The following MTHFD1L variants were observed in gnomAD, a reference collection of about 807,000 sequenced individuals.
MTHFD1L encodes the protein methylenetetrahydrofolate dehydrogenase (NADP+ dependent) 1 like, also known as monofunctional C1-tetrahydrofolate synthase, mitochondrial.
A neutral mutation model predicts 119.5 loss-of-function variants in MTHFD1L; 81 were observed. The observed-to-expected ratio is 0.68, with a 90% confidence interval of 0.57 to 0.82. The LOEUF (loss-of-function observed/expected upper bound fraction) is 0.82, where lower values mean the gene tolerates loss of function less well. Among genes scored for constraint, MTHFD1L ranks in the 40% least tolerant of loss-of-function variants. The pLI, the probability that MTHFD1L is intolerant of heterozygous loss-of-function variation, is 0.00. For missense variants in MTHFD1L, 1,125 were observed against 1,253.4 expected, an observed-to-expected ratio of 0.90 and a Z score of 1.55; for synonymous variants, 430 against 475.2, an observed-to-expected ratio of 0.90 and a Z score of 1.24.
chr6:150,905,864 G>A (rs777838361), intron 8 of MTHFD1L, 103 bp downstream of exon 8: 76 of 902,586 alleles, frequency 8.4e-5, no homozygotes, highest in Non-Finnish European at 1.2e-4. Context: ...GTTAGCAGTC[G>A]TCAACATTAA....
chr6:150,928,092 A>T (rs1274197009), intron 11 of MTHFD1L, among the ~76,000 whole-genome samples: 1 of 152,060 alleles, frequency 6.6e-6, no homozygotes, highest in Non-Finnish European at 1.5e-5. Flanking sequence ...CTTAGGAAAA[A>T]TCCCCGGAAG....
intron 26 of MTHFD1L, among the ~76,000 whole-genome samples, chr6:151,065,601 T>C (rs548477704): frequency 6.6e-6 from 1 of 152,364 alleles, no homozygotes; most frequent in Non-Finnish European, 1.5e-5. Context: ...CAGTGTGATC[T>C]GCTTCATACT....
intron 17 of MTHFD1L, among the ~76,000 whole-genome samples, chr6:150,958,424 C>T (rs1434224517): frequency 6.6e-6 from 1 of 152,080 alleles, no homozygotes; most frequent in Non-Finnish European, 1.5e-5. Context: ...TTGATACTAT[C>T]CTTAGGATAT....
chr6:150,993,308 A>G (rs1033654067), intron 20 of MTHFD1L, among the ~76,000 whole-genome samples: 1 of 151,954 alleles, frequency 6.6e-6, no homozygotes, highest in Non-Finnish European at 1.5e-5. Context: ...TAATTTAGAG[A>G]CAGAATTTAG....
At chr6:150,867,467 A>C (rs1429463209) in intron 1 of MTHFD1L, among the ~76,000 whole-genome samples, 1 of 152,116 alleles carries the variant, frequency 6.6e-6, no homozygotes, top group South Asian at 2.1e-4. Context: ...GATTAATTAC[A>C]CGTCAGGTCA....
intron 20 of MTHFD1L, among the ~76,000 whole-genome samples, chr6:150,976,043 C>CA (rs1776513073): frequency 6.6e-6 from 1 of 152,162 alleles, no homozygotes; most frequent in East Asian, 1.9e-4. Flanking sequence ...ACTAAAAATA[C>CA]AAAAAAATTT....
At chr6:150,889,241 T>C (rs1050649495) in intron 7 of MTHFD1L, among the ~76,000 whole-genome samples, 1 of 151,644 alleles carries the variant, frequency 6.6e-6, no homozygotes, top group Non-Finnish European at 1.5e-5. Context: ...TGTATATGAG[T>C]CTAGCATAGG....
chr6:151,062,219 G>A (rs897651729), intron 26 of MTHFD1L, among the ~76,000 whole-genome samples: 6 of 152,158 alleles, frequency 3.9e-5, no homozygotes, highest in Non-Finnish European at 7.3e-5. Flanking sequence ...AGCGGATCAC[G>A]AGGTCAGGAG....
Position 150,994,092 on chromosome 6 carries a change from A to AG in MTHFD1L, c.2126-15726dup, listed in dbSNP as rs1562508880. Among the ~76,000 whole-genome samples, 654 of 147,604 alleles carry AG rather than the reference A, an allele frequency of 4.4e-3. 28 individuals carry two copies. Among genetic ancestry groups the AG allele is most frequent in the African/African-American group, 0.017 (633 of 37,780 alleles). ...AAAAAAAAAAAAAAGAAAGAAAGAA[A>AG]GAAAGTGACCCAGCACTATAATACA... On this transcript the variant is annotated intron_variant, in intron 20 of 27. Coordinates refer to ENST00000367321, the MANE Select transcript of MTHFD1L (RefSeq NM_015440.5).
chr6:151,040,576 C>T (rs1417562610), intron 26 of MTHFD1L, among the ~76,000 whole-genome samples: 3 of 151,936 alleles, frequency 2.0e-5, no homozygotes, highest in Non-Finnish European at 4.4e-5. Context: ...AGTCATGGCA[C>T]GCACCTGGAG....
chr6:150,936,668 T>C, intron 11 of MTHFD1L, 136 bp from the exon 12 acceptor site: 2 of 1,081,006 alleles, frequency 1.9e-6, no homozygotes, highest in Non-Finnish European at 1.4e-6. Context: ...GAGTAGACCA[T>C]AATAGCCCGA....
chr6:151,020,949 C>G (rs1478218085), intron 24 of MTHFD1L, among the ~76,000 whole-genome samples: 2 of 152,214 alleles, frequency 1.3e-5, no homozygotes, highest in Non-Finnish European at 2.9e-5. Context: ...CACATCCCAT[C>G]TGCTATGTGG....
chr6:151,004,963 T>C (rs930346359), intron 20 of MTHFD1L, among the ~76,000 whole-genome samples: 13 of 152,234 alleles, frequency 8.5e-5, no homozygotes, highest in African/African-American at 3.1e-4. Flanking sequence ...AGCTAAATCC[T>C]ACTATGTGGA....
At chr6:150,923,386 A>C (rs541810037) in intron 10 of MTHFD1L, among the ~76,000 whole-genome samples, 1 of 151,978 alleles carries the variant, frequency 6.6e-6, no homozygotes, top group Admixed American at 6.6e-5. Context: ...CACTCCAAGG[A>C]ATTGGCCCCA....
chr6:151,079,697 C>T (rs556267020), intron 26 of MTHFD1L, among the ~76,000 whole-genome samples: 14 of 151,614 alleles, frequency 9.2e-5, no homozygotes, highest in Middle Eastern at 3.4e-3. Flanking sequence ...CCATGTTGGT[C>T]ACGCTGGTCT....
chr6:150,905,013 A>C (rs548823410), intron 7 of MTHFD1L, among the ~76,000 whole-genome samples: 25 of 146,988 alleles, frequency 1.7e-4, no homozygotes, highest in Non-Finnish European at 3.1e-4. Flanking sequence ...GCCAGACCTC[A>C]TGGCCTTAGC....
At chr6:151,045,848 G>T (rs1787924274) in intron 26 of MTHFD1L, among the ~76,000 whole-genome samples, 1 of 152,188 alleles carries the variant, frequency 6.6e-6, no homozygotes, top group Non-Finnish European at 1.5e-5. Flanking sequence ...TGATGGTATT[G>T]TGGCCGTGCC....
intron 26 of MTHFD1L, among the ~76,000 whole-genome samples, chr6:151,049,491 CA>C (rs61344944): frequency 0.62 from 52,902 of 85,934 alleles, 15,170 homozygotes; most frequent in Middle Eastern, 0.76. Flanking sequence ...GACTCCGTCT[CA>C]AAAAAAAAAA....
At chr6:150,905,927 G>C (rs185189215) in intron 8 of MTHFD1L, among the ~76,000 whole-genome samples, 166 bp downstream of exon 8, 4 of 152,314 alleles carry the variant, frequency 2.6e-5, no homozygotes, top group Admixed American at 2.6e-4. Flanking sequence ...CCATGCTGTT[G>C]AGCAAAGAGA....
Sources: allele counts gnomAD v4.1 joint callset (sites outside exome capture counted in the v4.1 genomes callset), GRCh38; gene constraint gnomAD v4.1.1; transcripts MANE v1.5; gene names NCBI Gene and HGNC (gene_info 2026-07-23, HGNC 2026-07-21).